The following TUSC3 variants were observed in gnomAD, a reference collection of about 807,000 sequenced individuals.
TUSC3 encodes tumor suppressor candidate 3.
TUSC3 carries 45 observed loss-of-function variants against 44.8 expected under a neutral mutation model. The ratio of observed to expected loss-of-function variants is 1.00; its 90% confidence interval spans 0.79 to 1.29. The LOEUF (loss-of-function observed/expected upper bound fraction) is 1.29. TUSC3 is among the 50% of genes most tolerant of loss of function. The pLI, the probability that TUSC3 is intolerant of heterozygous loss-of-function variation, is 0.00. For synonymous variants in TUSC3, 212 were observed against 152.9 expected (o/e 1.39, Z -2.85); for missense variants, 519 against 437.9 (o/e 1.19, Z -1.65).
At chr8:15,495,633 G>A (rs555956903) in intron 2 of TUSC3, among the ~76,000 whole-genome samples, 39 of 152,220 alleles carry the variant, frequency 2.6e-4, no homozygotes, top group Admixed American at 5.9e-4. Flanking sequence ...AAGAAAATAA[G>A]CACAGCTCCC....
chr8:15,699,188 C>G (rs181425203), intron 6 of TUSC3, among the ~76,000 whole-genome samples: 1 of 152,230 alleles, frequency 6.6e-6, no homozygotes, highest in East Asian at 1.9e-4. Context: ...TTTAAAAATA[C>G]ACTGTAAATA....
At chr8:15,773,974 G>C in the TUSC3 span, among the ~76,000 whole-genome samples, 1 of 152,094 alleles carries the variant, frequency 6.6e-6, no homozygotes, top group African/African-American at 2.4e-5. Context: ...GAACTCTTTT[G>C]ACCTAGGGTT....
intron 5 of TUSC3, among the ~76,000 whole-genome samples, chr8:15,664,095 T>C (rs905354214): frequency 2.0e-5 from 3 of 151,812 alleles, no homozygotes; most frequent in Admixed American, 1.3e-4. Context: ...CTCTTTTTTC[T>C]TTGGGGTATG....
chr8:15,532,918 G>C (rs1459713126), intron 2 of TUSC3, among the ~76,000 whole-genome samples: 1 of 152,110 alleles, frequency 6.6e-6, no homozygotes, highest in Non-Finnish European at 1.5e-5. Flanking sequence ...TCCACTTCTT[G>C]AGTAGCCGGG....
At chr8:15,724,491 T>A (rs1810422816) in intron 6 of TUSC3, among the ~76,000 whole-genome samples, 1 of 152,192 alleles carries the variant, frequency 6.6e-6, no homozygotes, top group African/African-American at 2.4e-5. Flanking sequence ...CTTTGACTTC[T>A]TAGAAGTGTT....
intron 5 of TUSC3, among the ~76,000 whole-genome samples, chr8:15,662,588 C>G (rs1393870954): frequency 6.6e-6 from 1 of 151,888 alleles, no homozygotes. Flanking sequence ...ATTAATAGCT[C>G]AGAATAATTT....
intron 6 of TUSC3, among the ~76,000 whole-genome samples, chr8:15,725,978 T>C (rs533885765): frequency 6.6e-6 from 1 of 152,196 alleles, no homozygotes; most frequent in African/African-American, 2.4e-5. Context: ...CTTCTAAGTT[T>C]AGTTTGCTTT....
At chr8:15,627,862 G>T (rs11777204) in intron 2 of TUSC3, among the ~76,000 whole-genome samples, 1 of 152,060 alleles carries the variant, frequency 6.6e-6, no homozygotes, top group Non-Finnish European at 1.5e-5. Context: ...GCAGGCATGG[G>T]ATCCTGGCCG....
intron 6 of TUSC3, among the ~76,000 whole-genome samples, chr8:15,697,015 G>A (rs191831204): frequency 4.0e-4 from 61 of 152,194 alleles, no homozygotes; most frequent in East Asian, 3.3e-3. Flanking sequence ...TAGGAGGGTT[G>A]CATCTTGCCA....
the TUSC3 span, among the ~76,000 whole-genome samples, chr8:15,847,532 G>GGT: frequency 6.6e-6 from 1 of 152,060 alleles, no homozygotes. Flanking sequence ...GTTCTACCTA[G>GGT]GTGACATCAT....
chr8:15,513,856 C>G (rs1212521721), intron 2 of TUSC3, among the ~76,000 whole-genome samples: 1 of 152,106 alleles, frequency 6.6e-6, no homozygotes, highest in Non-Finnish European at 1.5e-5. Flanking sequence ...TTCAGTCTAA[C>G]TTTTACTTGC....
At chr8:15,499,412 A>G (rs1800926886) in intron 2 of TUSC3, among the ~76,000 whole-genome samples, 1 of 152,154 alleles carries the variant, frequency 6.6e-6, no homozygotes, top group Admixed American at 6.5e-5. Context: ...ATTCTATCAT[A>G]TCCATTTCCA....
At chr8:15,633,857 A>T (rs953095351) in intron 2 of TUSC3, among the ~76,000 whole-genome samples, 6 of 152,148 alleles carry the variant, frequency 3.9e-5, no homozygotes, top group Admixed American at 1.3e-4. Context: ...CCAGTTTGTG[A>T]TACTTTGTTA....
intron 5 of TUSC3, among the ~76,000 whole-genome samples, chr8:15,667,181 C>G (rs1807699677): frequency 6.6e-6 from 1 of 151,542 alleles, no homozygotes; most frequent in Admixed American, 6.6e-5. Context: ...TTGTTATCCT[C>G]AATGCATAAT....
chr8:15,796,286 T>C, the TUSC3 span, among the ~76,000 whole-genome samples: 1 of 152,156 alleles, frequency 6.6e-6, no homozygotes, highest in Admixed American at 6.5e-5. Context: ...GTGGTGTATC[T>C]AGGTGAGTGG....
intron 2 of TUSC3, among the ~76,000 whole-genome samples, chr8:15,488,532 A>G (rs1751268829): frequency 6.6e-6 from 1 of 152,204 alleles, no homozygotes; most frequent in South Asian, 2.1e-4. Flanking sequence ...TCATCTTGGT[A>G]ATAAAATAGA....
chr8:15,439,121 C>G (rs1297765777), intron 1 of TUSC3, among the ~76,000 whole-genome samples: 1 of 152,116 alleles, frequency 6.6e-6, no homozygotes, highest in East Asian at 1.9e-4. Context: ...AGGGATGAAG[C>G]CAGGAGAAGA....
At chr8:15,840,401 CCA>C in the TUSC3 span, among the ~76,000 whole-genome samples, 1 of 151,706 alleles carries the variant, frequency 6.6e-6, no homozygotes, top group East Asian at 1.9e-4. Context: ...CAATAAATAA[CCA>C]CACACACACA....
intron 10 of TUSC3, among the ~76,000 whole-genome samples, chr8:15,762,970 C>T (rs756803572): frequency 2.6e-5 from 4 of 151,978 alleles, no homozygotes; most frequent in Admixed American, 6.6e-5. Context: ...AAAGTAGAGG[C>T]GACGTCTCAT....
Sources: allele counts gnomAD v4.1 joint callset (sites outside exome capture counted in the v4.1 genomes callset), GRCh38; gene constraint gnomAD v4.1.1; transcripts MANE v1.5; gene names NCBI Gene and HGNC (gene_info 2026-07-23, HGNC 2026-07-21).